The following NUBPL variants were observed in gnomAD, a reference collection of about 807,000 sequenced individuals.
NUBPL encodes NUBP iron-sulfur cluster assembly factor, mitochondrial.
A neutral mutation model predicts 45.7 loss-of-function variants in NUBPL; 31 were observed. The observed-to-expected ratio is 0.68, with a 90% confidence interval of 0.51 to 0.92. NUBPL has a LOEUF of 0.92. Ranked by LOEUF, NUBPL falls within the 40% of genes least tolerant of loss-of-function variation. The pLI, the probability that NUBPL is intolerant of heterozygous loss-of-function variation, is 0.00. For synonymous variants in NUBPL, 144 were observed against 140.9 expected, an observed-to-expected ratio of 1.02 and a Z score of -0.15; for missense variants, 401 against 398.7, an observed-to-expected ratio of 1.01 and a Z score of -0.05.
rs182957600 is a variant in NUBPL, at chr14:31,602,366, G to T, written c.382+2987G>T. Reference sequence around the variant, plus strand: ...TAACTAACCTGCACATTGTGCACATGTACCCTAAAACTTAAAGTATAATAA... The same window carrying T: ...TAACTAACCTGCACATTGTGCACATTTACCCTAAAACTTAAAGTATAATAA... On this transcript the variant is annotated intron_variant, in intron 4 of 10. Coordinates refer to ENST00000281081, the MANE Select transcript of NUBPL (RefSeq NM_025152.3). Among the ~76,000 whole-genome samples, 5 of 132,920 alleles carry T rather than the reference G, an allele frequency of 3.8e-5. No individual in the cohort carries two copies. In the Admixed American group the frequency reaches 4.1e-4, roughly 11 times the overall value. 87.2% of individuals were successfully genotyped at this position (132,920 alleles called of 152,430 possible). A position where few individuals can be genotyped will look rare whatever the true frequency, so the allele number is the denominator to read the frequency against.
At chr14:31,596,610 G>A (rs557107563) in intron 3 of NUBPL, among the ~76,000 whole-genome samples, 3 of 152,264 alleles carry the variant, frequency 2.0e-5, no homozygotes, top group East Asian at 3.9e-4. Flanking sequence ...GATCCTCAAC[G>A]TCTGAAATAT....
At chr14:31,754,671 T>G (rs1266560866) in intron 6 of NUBPL, among the ~76,000 whole-genome samples, 1 of 148,202 alleles carries the variant, frequency 6.7e-6, no homozygotes, top group East Asian at 2.0e-4. Flanking sequence ...GCAAGCATAT[T>G]AGGGGCTGGC....
chr14:31,778,047 A>G (rs1457778026), intron 6 of NUBPL, among the ~76,000 whole-genome samples: 1 of 152,228 alleles, frequency 6.6e-6, no homozygotes, highest in Non-Finnish European at 1.5e-5. Context: ...CACATCCATG[A>G]GTGGCCTCCA....
At chr14:31,757,329 C>T (rs1433723872) in intron 6 of NUBPL, among the ~76,000 whole-genome samples, 1 of 150,922 alleles carries the variant, frequency 6.6e-6, no homozygotes. Context: ...TCCATCTGGT[C>T]CTGGACTCTT....
Position 31,646,281 on chromosome 14 carries a change from G to A in NUBPL, c.383-27074G>A, listed in dbSNP as rs531420313. On this transcript the variant is annotated intron_variant, in intron 4 of 10. Coordinates refer to ENST00000281081, the MANE Select transcript of NUBPL (RefSeq NM_025152.3). ...GGCTAACTGCAACCTCCACTTCCCA[G>A]ATTCAGGCGATTCTTGTACCTCGGC... 3.1e-4 allele frequency among the ~76,000 whole-genome samples: 47 copies of A among 152,020 alleles called. 1 individual carries two copies. Among genetic ancestry groups the A allele is most frequent in the Non-Finnish European group, 5.6e-4 (38 of 68,004 alleles).
intron 4 of NUBPL, among the ~76,000 whole-genome samples, chr14:31,638,904 C>T (rs375648276): frequency 5.6e-4 from 85 of 152,310 alleles, no homozygotes; most frequent in South Asian, 2.9e-3. Flanking sequence ...GCATTCTTCA[C>T]GTAGTTCTTG....
chr14:31,636,561 T>C (rs1269770571), intron 4 of NUBPL, among the ~76,000 whole-genome samples: 1 of 152,174 alleles, frequency 6.6e-6, no homozygotes, highest in Non-Finnish European at 1.5e-5. Flanking sequence ...CTTTTTTGGT[T>C]GTGTCTCTGC....
chr14:31,641,810 G>A (rs1170692583), intron 4 of NUBPL, among the ~76,000 whole-genome samples: 1 of 152,072 alleles, frequency 6.6e-6, no homozygotes, highest in Non-Finnish European at 1.5e-5. Flanking sequence ...CTGTAGGAGG[G>A]TTTCCCTTTA....
chr14:31,569,767 A>G (rs1249115871), intron 3 of NUBPL, among the ~76,000 whole-genome samples: 4 of 152,234 alleles, frequency 2.6e-5, no homozygotes, highest in Non-Finnish European at 5.9e-5. Flanking sequence ...TGATGGGAAT[A>G]TTTAAACCAT....
chr14:31,789,078 G>A (rs778987371), intron 7 of NUBPL, among the ~76,000 whole-genome samples: 2 of 152,146 alleles, frequency 1.3e-5, no homozygotes, highest in Non-Finnish European at 2.9e-5. Flanking sequence ...TGTAATCCCA[G>A]CACCTTGGGA....
intron 2 of NUBPL, among the ~76,000 whole-genome samples, chr14:31,562,539 G>A (rs1469060095): frequency 6.6e-6 from 1 of 150,472 alleles, no homozygotes; most frequent in East Asian, 1.9e-4. Context: ...ACTTAGCTTA[G>A]TGTTTACTAG....
chr14:31,687,041 A>G (rs2036969330), intron 6 of NUBPL, among the ~76,000 whole-genome samples: 1 of 152,190 alleles, frequency 6.6e-6, no homozygotes, highest in Non-Finnish European at 1.5e-5. Context: ...TGAGCCTAGG[A>G]ATTTGAGATT....
In NUBPL at chr14:31,827,473, A is replaced by T. The variant is rs77553383; in HGVS notation, c.693+759A>T. Among the ~76,000 whole-genome samples, 1,376 of 152,166 alleles carry T rather than the reference A, an allele frequency of 9.0e-3. 14 individuals are homozygous for T. Among genetic ancestry groups the T allele is most frequent in the South Asian group, 0.018 (85 of 4,802 alleles). On this transcript the variant is annotated intron_variant, in intron 8 of 10. Transcript: ENST00000281081. ...TGAACACACTCTCATCACCTTCTTT[A>T]TAGTAAATACAGGGTTCTTCCTTCT... is the stretch of plus-strand genomic sequence containing the variant.
chr14:31,671,496 C>T (rs375782147), intron 4 of NUBPL, among the ~76,000 whole-genome samples: 17 of 152,278 alleles, frequency 1.1e-4, no homozygotes, highest in African/African-American at 4.1e-4. Context: ...TAGTGTAACT[C>T]ACCGTTTTAG....
intron 6 of NUBPL, among the ~76,000 whole-genome samples, chr14:31,747,081 A>AC (rs2038415264): frequency 6.6e-6 from 1 of 151,032 alleles, no homozygotes; most frequent in East Asian, 1.9e-4. Flanking sequence ...CCAAAAAAAA[A>AC]AAAAAAAAAA....
chr14:31,767,347 C>T (rs537917682), intron 6 of NUBPL, among the ~76,000 whole-genome samples: 10 of 152,188 alleles, frequency 6.6e-5, no homozygotes, highest in East Asian at 1.9e-4. Context: ...GGACTACAGG[C>T]GCCCGCCACC....
chr14:31,578,167 G>C, intron 3 of NUBPL: 2 of 449,156 alleles, frequency 4.5e-6, no homozygotes, highest in Non-Finnish European at 8.8e-6. Context: ...TTTTAGGTAA[G>C]GGAGTTTATA....
chr14:31,858,718 A>T (rs759024891), intron 10 of NUBPL, among the ~76,000 whole-genome samples: 1 of 152,194 alleles, frequency 6.6e-6, no homozygotes, highest in Non-Finnish European at 1.5e-5. Context: ...GGTAATAAAT[A>T]GTCCTCCTTA....
chr14:31,769,423 C>T (rs1159387975), intron 6 of NUBPL, among the ~76,000 whole-genome samples: 1 of 152,142 alleles, frequency 6.6e-6, no homozygotes, highest in Non-Finnish European at 1.5e-5. Flanking sequence ...AATGCATTAA[C>T]TTTGTAAATT....
Sources: gnomAD v4.1 joint callset for allele counts (sites outside exome capture counted in the v4.1 genomes callset) on GRCh38, gnomAD v4.1.1 for gene constraint, MANE v1.5 for transcripts, NCBI Gene and HGNC (gene_info 2026-07-23, HGNC 2026-07-21) for gene names.